ZFHX3: variants seen among roughly 807,000 people sequenced by gnomAD.
The protein encoded by ZFHX3 is zinc finger homeobox 3, also known as zinc finger homeobox protein 3.
ZFHX3 carries 42 observed loss-of-function variants against 279.1 expected under a neutral mutation model. The ratio of observed to expected loss-of-function variants is 0.15; its 90% CI spans 0.12 to 0.19. The LOEUF (loss-of-function observed/expected upper bound fraction) is 0.19. Ranked by LOEUF, ZFHX3 falls within the 10% of genes least tolerant of loss-of-function variation. The pLI, the probability that ZFHX3 is intolerant of heterozygous loss-of-function variation, is 1.00. For synonymous variants in ZFHX3, 2,293 were observed against 1,957.8 expected (o/e 1.17, Z -4.52); for missense variants, 4,981 against 4,754.0 (o/e 1.05, Z -1.40).
chr16:73,352,267 C>T (rs2016256304), intron 3 of ZFHX3, among the ~76,000 whole-genome samples: 1 of 152,136 alleles, frequency 6.6e-6, no homozygotes, highest in Admixed American at 6.5e-5. Flanking sequence ...CTCAGCAACG[C>T]TGTGTGGAGT....
At chr16:73,657,323 G>C (rs928370581) in intron 2 of ZFHX3, among the ~76,000 whole-genome samples, 1 of 152,178 alleles carries the variant, frequency 6.6e-6, no homozygotes, top group Non-Finnish European at 1.5e-5. Flanking sequence ...CGGGCGTGGT[G>C]GTGCATGCCT....
At chr16:73,365,047 C>T (rs1251028267) in intron 3 of ZFHX3, among the ~76,000 whole-genome samples, 1 of 152,188 alleles carries the variant, frequency 6.6e-6, no homozygotes, top group Admixed American at 6.5e-5. Flanking sequence ...TCCCCCCACC[C>T]AGGCATGTGG....
At chr16:73,222,997 G>C (rs2012474672) in intron 5 of ZFHX3, among the ~76,000 whole-genome samples, 2 of 152,054 alleles carry the variant, frequency 1.3e-5, no homozygotes, top group African/African-American at 2.4e-5. Context: ...AATGTTGGTG[G>C]AACAACTGGA....
At chr16:73,171,511 G>T (rs1346087506) in intron 5 of ZFHX3, among the ~76,000 whole-genome samples, 1 of 135,566 alleles carries the variant, frequency 7.4e-6, no homozygotes, top group Admixed American at 7.3e-5. Context: ...GCGGGGTGGG[G>T]GGCGGGCAGA....
At chr16:73,713,664 T>C (rs757413860) in intron 1 of ZFHX3, among the ~76,000 whole-genome samples, 9 of 152,050 alleles carry the variant, frequency 5.9e-5, no homozygotes, top group Non-Finnish European at 1.3e-4. Context: ...AAATTTGCTT[T>C]TTACATCTAT....
intron 1 of ZFHX3, among the ~76,000 whole-genome samples, chr16:73,715,683 T>A (rs1007427797): frequency 6.7e-6 from 1 of 149,870 alleles, no homozygotes; most frequent in Non-Finnish European, 1.5e-5. Context: ...AGCAATTCTC[T>A]GCCTCAGCCC....
chr16:73,645,246 T>A (rs1350540825), intron 2 of ZFHX3, among the ~76,000 whole-genome samples: 3 of 152,218 alleles, frequency 2.0e-5, no homozygotes, highest in African/African-American at 7.2e-5. Context: ...ACCATCTTTT[T>A]AAATCATTAT....
chr16:73,723,202 C>T (rs1372086499), intron 1 of ZFHX3, among the ~76,000 whole-genome samples: 7 of 152,016 alleles, frequency 4.6e-5, no homozygotes, highest in Non-Finnish European at 8.8e-5. Flanking sequence ...TTACAAATGG[C>T]TAAGGCTAGG....
intron 4 of ZFHX3, among the ~76,000 whole-genome samples, chr16:73,281,490 C>T (rs1482341711): frequency 6.6e-6 from 1 of 152,174 alleles, no homozygotes; most frequent in Non-Finnish European, 1.5e-5. Context: ...GTGATGGTTA[C>T]AGGGTACAGA....
chr16:73,820,118 C>G (rs1960691740), intron 1 of ZFHX3, among the ~76,000 whole-genome samples: 1 of 152,044 alleles, frequency 6.6e-6, no homozygotes, highest in Admixed American at 6.6e-5. Flanking sequence ...GAGACAGAGT[C>G]TTGCTCTGTC....
At chr16:73,879,648 A>G (rs914042928) in intron 1 of ZFHX3, among the ~76,000 whole-genome samples, 2 of 152,168 alleles carry the variant, frequency 1.3e-5, no homozygotes, top group Admixed American at 6.5e-5. Context: ...AGTACTAGCA[A>G]AAAGAGAGTA....
intron 5 of ZFHX3, among the ~76,000 whole-genome samples, chr16:73,206,789 G>A (rs899562374): frequency 5.9e-5 from 9 of 151,988 alleles, no homozygotes; most frequent in Admixed American, 3.3e-4. Flanking sequence ...AGGCCGAGGC[G>A]GGTGGATCAC....
chr16:73,824,354 G>A (rs567175104), intron 1 of ZFHX3, among the ~76,000 whole-genome samples: 92 of 136,516 alleles, frequency 6.7e-4, no homozygotes, highest in African/African-American at 2.5e-3. Context: ...AACAATGTCA[G>A]AAATGTGTTT....
chr16:73,536,992 A>C (rs751985507), intron 2 of ZFHX3, among the ~76,000 whole-genome samples: 3 of 152,192 alleles, frequency 2.0e-5, no homozygotes, highest in Non-Finnish European at 2.9e-5. Flanking sequence ...CTACCTTTCA[A>C]CTTCATGTTA....
At chr16:73,722,958 G>C (rs1273688511) in intron 1 of ZFHX3, among the ~76,000 whole-genome samples, 1 of 152,120 alleles carries the variant, frequency 6.6e-6, no homozygotes, top group Non-Finnish European at 1.5e-5. Flanking sequence ...TCTCAGTATT[G>C]AGTCCATTGA....
upstream of ZFHX3, among the ~76,000 whole-genome samples, chr16:73,052,386 A>G (rs1275245051): frequency 4.0e-5 from 6 of 151,592 alleles, no homozygotes; most frequent in African/African-American, 1.5e-4. Context: ...GTTCTCCCCT[A>G]TTAAGCTTCT....
In ZFHX3 at chr16:72,787,030, CTT is replaced by C; in HGVS notation, c.*132_*133del. On this transcript the variant is annotated 3_prime_UTR_variant, in exon 10 of 10. Transcript: ENST00000268489. ...TATGGGAAAACAACCCACGCTTTTT[CTT>C]TTTTTTCTTTTTTTTTTTTTTTTTG... The C allele has an allele frequency of 3.1e-6, 3 of 967,010 alleles. No homozygotes were observed. Among genetic ancestry groups the C allele is most frequent in the African/African-American group, 2.2e-5 (1 of 45,900 alleles). The allele number at this position is 967,010 out of a possible 1,614,324, so 59.9% of individuals were successfully genotyped here.
At chr16:73,083,611 C>T (rs1965975694) in intron 8 of ZFHX3, among the ~76,000 whole-genome samples, 1 of 152,098 alleles carries the variant, frequency 6.6e-6, no homozygotes, top group African/African-American at 2.4e-5. Context: ...CTCACTGCAG[C>T]CTCGACCTCT....
At chr16:72,996,182 G>C (rs1417987277) in intron 1 of ZFHX3, among the ~76,000 whole-genome samples, 2 of 152,122 alleles carry the variant, frequency 1.3e-5, no homozygotes, top group Admixed American at 6.5e-5. Context: ...TACTCAGGAG[G>C]CTCAGGCAGA....
Sources: gnomAD v4.1 joint callset for allele counts (sites outside exome capture counted in the v4.1 genomes callset) on GRCh38, gnomAD v4.1.1 for gene constraint, MANE v1.5 for transcripts, NCBI Gene and HGNC (gene_info 2026-07-23, HGNC 2026-07-21) for gene names.